The following METTL22 variants were observed in gnomAD, a reference collection of about 807,000 sequenced individuals.
The protein encoded by METTL22 is methyltransferase-like protein 22.
METTL22 carries 51 observed loss-of-function variants against 48.4 expected under a neutral mutation model. The ratio of observed to expected loss-of-function variants is 1.05; its 90% CI spans 0.84 to 1.33. The LOEUF is 1.33. METTL22 is among the 40% of genes most tolerant of loss of function. METTL22 has a pLI of 0.00. For synonymous variants in METTL22, 255 were observed against 214.1 expected (o/e 1.19, Z -1.67); for missense variants, 678 against 526.9 (o/e 1.29, Z -2.81).
chr16:8,632,426 A>C (rs1448315088), intron 3 of METTL22, among the ~76,000 whole-genome samples: 4 of 152,216 alleles, frequency 2.6e-5, no homozygotes, highest in Admixed American at 6.5e-5. Flanking sequence ...GGCTGGTCTC[A>C]AACTCCTGGC....
the METTL22 span, among the ~76,000 whole-genome samples, chr16:8,663,457 C>T: frequency 2.6e-5 from 4 of 152,030 alleles, no homozygotes; most frequent in East Asian, 7.7e-4. Flanking sequence ...AGTGCACCGT[C>T]CCTGAAAGGT....
At chr16:8,624,604 G>A (rs544421336) in intron 1 of METTL22, among the ~76,000 whole-genome samples, 5 of 152,054 alleles carry the variant, frequency 3.3e-5, no homozygotes, top group African/African-American at 7.2e-5. Flanking sequence ...GATGGCTCAC[G>A]CCTGTAATCC....
In METTL22 at chr16:8,635,287, C is replaced by T; in HGVS notation, c.675C>T (p.Thr225=). Residue 225 remains threonine (T), a synonymous_variant, in exon 5 of 11, where the codon ACC becomes ACT. Coordinates refer to ENST00000381920, the MANE Select transcript of METTL22 (RefSeq NM_024109.4). ...GTGLASIIAA[T]MARTVYCTDV... ...GGCTCGCTAGCATCATCGCAGCCAC[C>T]ATGGCACGGACCGTTTATTGTACAG... 3 of 1,593,508 alleles carry T rather than the reference C, an allele frequency of 1.9e-6. No homozygotes were observed. The highest frequency in any genetic ancestry group is 2.2e-5 in the East Asian group (1 of 44,624).
At position 8,625,755 on chromosome 16, in the gene METTL22, C is replaced by T; in HGVS notation, c.90C>T (p.Asn30=). ...VLSDVHLYTP[N]HRHLMVRLNS... ...CAGATGTCCACCTCTATACCCCGAA[C>T]CATAGACATCTCATGGTACGGCTGA... Residue 30 remains asparagine (N), a synonymous_variant, in exon 2 of 11, where the codon AAC becomes AAT. Transcript: ENST00000381920. The T allele has an allele frequency of 6.2e-7, 1 of 1,614,202 alleles. No homozygotes were observed. The highest frequency in any genetic ancestry group is 8.5e-7 in the Non-Finnish European group (1 of 1,180,038).
Position 8,625,555 on chromosome 16 carries a change from T to A in METTL22, c.-111T>A. On this transcript the variant is annotated 5_prime_UTR_variant, in exon 2 of 11. Transcript: ENST00000381920. ...TTCTCCCAGGGCGATGCAAAGCTAC[T>A]CGCTACCAGCTTGGACCTGTCTGCA... 1 of 1,021,424 alleles carries A rather than the reference T, an allele frequency of 9.8e-7. No homozygotes were observed. The highest frequency in any genetic ancestry group is 1.4e-6 in the Non-Finnish European group (1 of 719,328). 63.3% of individuals were successfully genotyped at this position (1,021,424 alleles called of 1,614,324 possible). A position where few individuals can be genotyped will look rare whatever the true frequency, so the allele number is the denominator to read the frequency against.
At position 8,644,663 on chromosome 16, in the gene METTL22, G is replaced by T; in HGVS notation, c.1117G>T (p.Val373Leu). Residue 373 changes from valine (V) to leucine (L), a missense_variant, in exon 10 of 11, where the codon GTG (valine) becomes TTG (leucine). Physicochemically the swap from Val to Leu is conservative, Grantham distance 32. Coordinates refer to ENST00000381920, the MANE Select transcript of METTL22 (RefSeq NM_024109.4). Reference protein sequence around the residue: ...EQLADGKLRFVVEPVEASFPQ... With the variant: ...EQLADGKLRFLVEPVEASFPQ... ...GCTCGCAGATGGCAAGCTGCGCTTC[G>T]TGGTGGAGCCCGTGGAGGCCTCCTT... 1.2e-6 allele frequency: 2 copies of T among 1,606,634 alleles called. No individual in the cohort carries two copies. Among genetic ancestry groups the T allele is most frequent in the South Asian group, 1.1e-5 (1 of 89,570 alleles).
In METTL22 at chr16:8,641,114, T is replaced by C. The variant is rs181552727; in HGVS notation, c.773-17T>C. 7.2e-5 allele frequency: 116 copies of C among 1,613,130 alleles called. No individual in the cohort carries two copies. The African/African-American group carries it at 8.4e-4, about 12-fold the overall frequency. On this transcript the variant is annotated splice_polypyrimidine_tract_variant and intron_variant, in intron 6 of 10. Transcript: ENST00000381920. ...TGTTTAGAGTTTGGAAAGTTCTCTT[T>C]TTGTTTGTTTTTACAGGTGGTATAG...
intron 6 of METTL22, chr16:8,639,461 T>C (rs563317345): frequency 2.3e-6 from 1 of 437,924 alleles, no homozygotes; most frequent in Non-Finnish European, 4.2e-6. Flanking sequence ...GTCCAAGATG[T>C]CCTCATGAAA....
intron 3 of METTL22, among the ~76,000 whole-genome samples, chr16:8,630,589 C>G (rs548676461): frequency 1.1e-4 from 16 of 152,220 alleles, no homozygotes; most frequent in African/African-American, 3.1e-4. Context: ...ATTAGCCTCC[C>G]CAAGCTGGGG....
chr16:8,666,678 T>C, the METTL22 span: 1 of 152,188 alleles, frequency 6.6e-6, no homozygotes, highest in Non-Finnish European at 1.5e-5. Flanking sequence ...TAATTCTTTA[T>C]CGTCACAGCC....
At chr16:8,632,287 T>C (rs565530938) in intron 3 of METTL22, 27 of 152,362 alleles carry the variant, frequency 1.8e-4, no homozygotes, top group African/African-American at 6.3e-4. Context: ...TCTCGTGTTA[T>C]CAGCATCAGC....
At chr16:8,621,941 G>T (rs971580835) in intron 1 of METTL22, among the ~76,000 whole-genome samples, 166 bp downstream of exon 1, 1 of 152,230 alleles carries the variant, frequency 6.6e-6, no homozygotes. Flanking sequence ...GTTGGGGAAA[G>T]AAGTCCACGT....
chr16:8,647,221 C>T lies in METTL22; in HGVS notation c.*1078C>T, dbSNP rs949254916. The T allele has an allele frequency of 6.4e-6, 1 of 156,886 alleles. No homozygotes were observed. The highest frequency in any genetic ancestry group is 1.4e-5 in the Non-Finnish European group (1 of 70,644). The allele number at this position is 156,886 out of a possible 1,614,324, so 9.7% of individuals were successfully genotyped here. A position where few individuals can be genotyped will look rare whatever the true frequency, so the allele number is the denominator to read the frequency against. Reference sequence around the variant, plus strand: ...AATCCCTCATGCCAGGGGCCAGGCACTTGCAAGTCTAACTTCATCTTCCCA... The same window carrying T: ...AATCCCTCATGCCAGGGGCCAGGCATTTGCAAGTCTAACTTCATCTTCCCA... On this transcript the variant is annotated 3_prime_UTR_variant, in exon 11 of 11. Transcript: ENST00000381920.
chr16:8,624,186 G>A (rs2055960048), intron 1 of METTL22: 1 of 152,154 alleles, frequency 6.6e-6, no homozygotes, highest in South Asian at 2.1e-4. Context: ...GCTGTTTGAT[G>A]ATGCTTTTTG....
downstream of METTL22, among the ~76,000 whole-genome samples, chr16:8,649,846 C>T (rs543108717): frequency 4.0e-5 from 6 of 151,572 alleles, no homozygotes; most frequent in Admixed American, 3.9e-4. Flanking sequence ...AAACTGTGGT[C>T]CCCAAAGCTT....
chr16:8,646,425 G>C lies in METTL22; in HGVS notation c.*282G>C, dbSNP rs1048790812. 1 of 662,486 alleles carries C rather than the reference G, an allele frequency of 1.5e-6. No individual in the cohort carries two copies. The highest frequency in any genetic ancestry group is 2.8e-6 in the Non-Finnish European group (1 of 359,702). 41.0% of individuals were successfully genotyped at this position (662,486 alleles called of 1,614,324 possible). ...CCGAGCCACGTTCCTTCTCAGCTCA[G>C]TTCCACCCACGTCAGTCATTTCAGC... On this transcript the variant is annotated 3_prime_UTR_variant, in exon 11 of 11. Coordinates refer to ENST00000381920, the MANE Select transcript of METTL22 (RefSeq NM_024109.4).
At chr16:8,637,405 A>G (rs2056455353) in intron 5 of METTL22, among the ~76,000 whole-genome samples, 1 of 147,236 alleles carries the variant, frequency 6.8e-6, no homozygotes, top group Admixed American at 6.6e-5. Context: ...AGCAGACTAT[A>G]AAGAAGTCTT....
intron 8 of METTL22, 57 bp downstream of exon 8, chr16:8,642,264 C>T (rs2056643551): frequency 2.0e-6 from 3 of 1,472,572 alleles, no homozygotes; most frequent in Non-Finnish European, 2.9e-6. Flanking sequence ...AAGTCAAGTG[C>T]AGTCTCTCCT....
chr16:8,628,618 C>T, intron 2 of METTL22, 112 bp from the exon 3 acceptor site: 1 of 1,389,128 alleles, frequency 7.2e-7, no homozygotes, highest in Non-Finnish European at 9.6e-7. Context: ...ATATCTCTAC[C>T]TGGCCTTTAA....
Sources: gnomAD v4.1 joint callset for allele counts (sites outside exome capture counted in the v4.1 genomes callset) on GRCh38, gnomAD v4.1.1 for gene constraint, MANE v1.5 for transcripts, NCBI Gene and HGNC (gene_info 2026-07-23, HGNC 2026-07-21) for gene names.